The following EPN2 variants were observed in gnomAD, a reference collection of about 807,000 sequenced individuals.
EPN2 encodes the protein epsin 2.
In EPN2, 34 loss-of-function variants were observed where a neutral mutation model predicts 61.7. That is an observed-to-expected ratio of 0.55 (90% CI 0.42 to 0.73). The LOEUF (loss-of-function observed/expected upper bound fraction) is 0.73. Among genes scored for constraint, EPN2 ranks in the 30% least tolerant of loss-of-function variants. The pLI is 0.00. For missense variants in EPN2, 714 were observed against 839.2 expected, an observed-to-expected ratio of 0.85 and a Z score of 1.84; for synonymous variants, 349 against 353.6, an observed-to-expected ratio of 0.99 and a Z score of 0.15.
chr17:19,292,624 A>C (rs962026016), intron 4 of EPN2, among the ~76,000 whole-genome samples: 1 of 152,272 alleles, frequency 6.6e-6, no homozygotes, highest in Non-Finnish European at 1.5e-5. Flanking sequence ...TGACACATCT[A>C]TCCAAGTATC....
At chr17:19,279,660 C>T (rs2152215908) in intron 1 of EPN2, among the ~76,000 whole-genome samples, 1 of 151,888 alleles carries the variant, frequency 6.6e-6, no homozygotes, top group South Asian at 2.1e-4. Flanking sequence ...TGGTCTTGAT[C>T]TCCTGACCTT....
chr17:19,332,111 G>A, intron 10 of EPN2, 43 bp downstream of exon 10: 1 of 1,484,208 alleles, frequency 6.7e-7, no homozygotes, highest in Non-Finnish European at 9.3e-7. Flanking sequence ...TGCTGTGCCT[G>A]GGAATGGGTG....
In EPN2 at chr17:19,334,300, C is replaced by G; in HGVS notation, c.*46C>G. 1 of 1,352,446 alleles carries G rather than the reference C, an allele frequency of 7.4e-7. No individual in the cohort carries two copies. Among genetic ancestry groups the G allele is most frequent in the Non-Finnish European group, 9.6e-7 (1 of 1,040,018 alleles). The allele number at this position is 1,352,446 out of a possible 1,614,324, so 83.8% of individuals were successfully genotyped here. A position where few individuals can be genotyped will look rare whatever the true frequency, so the allele number is the denominator to read the frequency against. ...CCAGAGCACCTGTGCTGGAGGATGC[C>G]GAGCAGGGACTCTCGTCTGTGGGAC... On this transcript the variant is annotated 3_prime_UTR_variant, in exon 11 of 11. Transcript: ENST00000314728. This position sits in a 1 kb window ranked among gnomAD's most constrained non-coding sequence, Gnocchi z 4.9.
chr17:19,259,514 G>A (rs1267434680), intron 1 of EPN2, among the ~76,000 whole-genome samples: 1 of 151,990 alleles, frequency 6.6e-6, no homozygotes, highest in African/African-American at 2.4e-5. Flanking sequence ...GGGTTTCACC[G>A]TGTTAGCCAG....
intron 1 of EPN2, among the ~76,000 whole-genome samples, chr17:19,239,130 C>T (rs8080907): frequency 0.014 from 2,091 of 152,292 alleles, 50 homozygotes; most frequent in African/African-American, 0.047. Context: ...GTTGGGGAAG[C>T]GCACCTAAAC....
chr17:19,255,168 G>T (rs531558310), intron 1 of EPN2, among the ~76,000 whole-genome samples: 1 of 152,290 alleles, frequency 6.6e-6, no homozygotes, highest in East Asian at 1.9e-4. Flanking sequence ...GCGTTGGGGT[G>T]CATACTCCGC....
chr17:19,289,775 A>G (rs904414079), intron 4 of EPN2, among the ~76,000 whole-genome samples: 35 of 119,726 alleles, frequency 2.9e-4, no homozygotes, highest in Non-Finnish European at 4.9e-4. Flanking sequence ...TGGCCAGGCT[A>G]GAGTGTAGTG....
At chr17:19,326,255 A>T (rs535601535) in intron 7 of EPN2, among the ~76,000 whole-genome samples, 1 of 152,272 alleles carries the variant, frequency 6.6e-6, no homozygotes, top group South Asian at 2.1e-4. Context: ...TTGTTTCTTC[A>T]CTTTTGTTTT....
chr17:19,305,431 A>G (rs560120840), intron 4 of EPN2, among the ~76,000 whole-genome samples: 2 of 152,006 alleles, frequency 1.3e-5, no homozygotes, highest in South Asian at 2.1e-4. Context: ...CCTAGCCTAC[A>G]TTTGTGTTTT....
intron 5 of EPN2, among the ~76,000 whole-genome samples, chr17:19,311,563 T>G (rs1906140297): frequency 6.6e-6 from 1 of 152,168 alleles, no homozygotes; most frequent in Admixed American, 6.5e-5. Context: ...TGACTTTGCC[T>G]TAAATAAAGA....
chr17:19,330,886 CAGCT>C (rs1190481945), intron 9 of EPN2, among the ~76,000 whole-genome samples: 1 of 152,148 alleles, frequency 6.6e-6, no homozygotes, highest in African/African-American at 2.4e-5. Context: ...CCTGTGGTCC[CAGCT>C]AGTCAAGAGG....
chr17:19,269,331 T>C (rs927073337), intron 1 of EPN2, among the ~76,000 whole-genome samples: 1 of 152,166 alleles, frequency 6.6e-6, no homozygotes, highest in African/African-American at 2.4e-5. Context: ...ATATTTTTAC[T>C]CTGCACCAAA....
Position 19,334,064 on chromosome 17 carries a change from T to C in EPN2, c.1736T>C (p.Phe579Ser). 1 of 1,610,136 alleles carries C rather than the reference T, an allele frequency of 6.2e-7. No individual in the cohort carries two copies. Among genetic ancestry groups the C allele is most frequent in the Non-Finnish European group, 8.5e-7 (1 of 1,177,956 alleles). The change falls in exon 11 of 11, where the codon TTT becomes TCT. Residue 579 changes from phenylalanine to serine, a missense_variant. Phe to Ser is a radical substitution (Grantham distance 155, BLOSUM62 -2). Around this residue, in one of 2 missense-constraint regions of EPN2, gnomAD observed 410 missense variants for 421.8 expected, o/e 0.97. Transcript: ENST00000314728. The surrounding 1 kb of genome is among the most constrained non-coding windows in gnomAD (Gnocchi z 4.9). ...CCAGTCCTGGGGACCAGCACATCCTTTGGGCCTGGCCCAGGAGTGGAGTCC... is the reference window on the plus strand; with the variant it reads ...CCAGTCCTGGGGACCAGCACATCCTCTGGGCCTGGCCCAGGAGTGGAGTCC... ...GSPVLGTSTS[F>S]GPGPGVESMA...
At chr17:19,327,300 ACT>A (rs1491396895) in intron 7 of EPN2, among the ~76,000 whole-genome samples, 2 of 152,114 alleles carry the variant, frequency 1.3e-5, no homozygotes, top group African/African-American at 2.4e-5. Flanking sequence ...AACACAGATG[ACT>A]CTCTCAAATA....
intron 4 of EPN2, among the ~76,000 whole-genome samples, chr17:19,290,349 G>A (rs2045450867): frequency 6.6e-6 from 1 of 152,320 alleles, no homozygotes; most frequent in Non-Finnish European, 1.5e-5. Flanking sequence ...TGGCCACAGT[G>A]TCAAAAGGCT....
chr17:19,262,393 G>A (rs921775457), intron 1 of EPN2, among the ~76,000 whole-genome samples: 3 of 152,108 alleles, frequency 2.0e-5, no homozygotes, highest in Non-Finnish European at 2.9e-5. Context: ...CAGGAGAATC[G>A]CTTGGACCCA....
At chr17:19,245,779 C>T (rs913702561) in intron 1 of EPN2, among the ~76,000 whole-genome samples, 3 of 151,920 alleles carry the variant, frequency 2.0e-5, no homozygotes, top group Non-Finnish European at 4.4e-5. Flanking sequence ...TCTCCTGTCT[C>T]AGCCTCCTGA....
intron 1 of EPN2, among the ~76,000 whole-genome samples, chr17:19,278,369 A>G (rs536402606): frequency 2.0e-5 from 3 of 152,332 alleles, no homozygotes; most frequent in South Asian, 2.1e-4. Flanking sequence ...ACAGTTCCAC[A>G]TGCCTGGAGA....
At chr17:19,293,423 G>A (rs943115072) in intron 4 of EPN2, among the ~76,000 whole-genome samples, 26 of 151,020 alleles carry the variant, frequency 1.7e-4, no homozygotes, top group Non-Finnish European at 3.1e-4. Context: ...AGGCTGGAGT[G>A]CAGTGGTGTG....
Sources: gnomAD v4.1 joint callset for allele counts (sites outside exome capture counted in the v4.1 genomes callset) on GRCh38, gnomAD v4.1.1 for gene constraint, gnomAD v4.1.1 regional missense constraint, Gnocchi (gnomAD v3.1) non-coding constraint, MANE v1.5 for transcripts, NCBI Gene and HGNC (gene_info 2026-07-23, HGNC 2026-07-21) for gene names.